MILR1: variants seen among roughly 807,000 people sequenced by gnomAD.
MILR1 encodes mast cell immunoglobulin like receptor 1.
MILR1 carries 31 observed loss-of-function variants against 18.5 expected under a neutral mutation model. The ratio of observed to expected loss-of-function variants is 1.68; its 90% CI spans 1.26 to 2.26. MILR1 has a LOEUF of 2.26. Among genes scored for constraint, MILR1 ranks in the 30% most tolerant of loss-of-function variants. The probability of loss-of-function intolerance (pLI) is 0.00; values close to 1 mark genes in which losing one functional copy is unlikely to be tolerated. For missense variants in MILR1, 257 were observed against 157.4 expected (o/e 1.63, Z -3.38); for synonymous variants, 85 against 56.2 (o/e 1.51, Z -2.30).
chr17:64,492,774 T>G, the MILR1 span: 2 of 1,606,048 alleles, frequency 1.2e-6, no homozygotes, highest in South Asian at 2.2e-5. Context: ...TCACCAATAC[T>G]TTAGATATAA....
chr17:64,454,451 G>A (rs1056184987), intron 3 of MILR1, among the ~76,000 whole-genome samples: 5 of 152,274 alleles, frequency 3.3e-5, no homozygotes, highest in East Asian at 3.9e-4. Context: ...TACATTTCAA[G>A]GCTTTGATAG....
rs1555663695 is a variant in MILR1 at position 64,467,593 on chromosome 17, T to C, written c.1008T>C (p.Tyr336=). 6.4e-7 allele frequency: 1 copy of C among 1,560,596 alleles called. No individual in the cohort carries two copies. Among genetic ancestry groups the C allele is most frequent in the Non-Finnish European group, 8.7e-7 (1 of 1,142,876 alleles). ...CCTGTGATTCTTATAAATCTGGATA[T>C]GTCTATTCTGAACTCAACTTCTGAA... is the stretch of plus-strand genomic sequence containing the variant. ...QEACDSYKSG[Y]VYSELNF is the part of the protein sequence containing the mutation. Residue 336 remains tyrosine (Y), a synonymous_variant, in exon 9 of 10, where the codon TAT becomes TAC. Coordinates refer to ENST00000619286, the MANE Select transcript of MILR1 (RefSeq NM_001085423.2).
chr17:64,465,246 TAA>T (rs1555662852), intron 5 of MILR1, among the ~76,000 whole-genome samples: 1 of 152,146 alleles, frequency 6.6e-6, no homozygotes. Context: ...GCCAGGAAAA[TAA>T]ATCAGAACAG....
chr17:64,478,644 T>C, the MILR1 span, among the ~76,000 whole-genome samples: 1 of 152,184 alleles, frequency 6.6e-6, no homozygotes, highest in Non-Finnish European at 1.5e-5. Flanking sequence ...ATGCCTGTAA[T>C]CCCAGCACTT....
the MILR1 span, among the ~76,000 whole-genome samples, chr17:64,493,878 C>T: frequency 6.6e-6 from 1 of 152,170 alleles, no homozygotes; most frequent in Admixed American, 6.5e-5. Context: ...CATCAATTAT[C>T]AACATTTTGC....
chr17:64,472,712 T>G (rs539836405), downstream of MILR1, among the ~76,000 whole-genome samples: 19 of 152,186 alleles, frequency 1.2e-4, no homozygotes, highest in African/African-American at 4.6e-4. Flanking sequence ...CTAGGAAGAA[T>G]AGACTATCCC....
At chr17:64,493,062 C>A in the MILR1 span, 1 of 1,609,092 alleles carries the variant, frequency 6.2e-7, no homozygotes, top group East Asian at 2.2e-5. Context: ...ATCTAGTCCA[C>A]AAACCCAAAT....
the MILR1 span, among the ~76,000 whole-genome samples, chr17:64,482,173 G>A: frequency 7.7e-5 from 10 of 129,202 alleles, no homozygotes; most frequent in Non-Finnish European, 1.1e-4. Context: ...CTGCGATCTC[G>A]GCTCACTGCA....
At chr17:64,455,812 G>A (rs1469250459) in intron 3 of MILR1, among the ~76,000 whole-genome samples, 3 of 151,874 alleles carry the variant, frequency 2.0e-5, no homozygotes, top group African/African-American at 4.8e-5. Context: ...GTTGAGTGGG[G>A]GCAGATCACT....
chr17:64,451,581 TA>T (rs1441034016), intron 2 of MILR1, among the ~76,000 whole-genome samples: 1,972 of 152,084 alleles, frequency 0.013, 13 homozygotes, highest in Non-Finnish European at 0.019. Flanking sequence ...CATTCCTAGA[TA>T]AAAAAAACTT....
the MILR1 span, among the ~76,000 whole-genome samples, chr17:64,477,589 C>T: frequency 6.6e-6 from 1 of 152,160 alleles, no homozygotes; most frequent in Non-Finnish European, 1.5e-5. Context: ...CGCTAGAGTT[C>T]TTGTATGTAA....
At chr17:64,456,946 G>T (rs1598093044) in intron 3 of MILR1, among the ~76,000 whole-genome samples, 1 of 152,150 alleles carries the variant, frequency 6.6e-6, no homozygotes, top group Admixed American at 6.6e-5. Flanking sequence ...GGAATTCAAG[G>T]TGGGAGGATC....
the MILR1 span, among the ~76,000 whole-genome samples, chr17:64,489,293 G>A: frequency 6.8e-6 from 1 of 146,430 alleles, no homozygotes; most frequent in Non-Finnish European, 1.5e-5. Context: ...AAATGGAGGA[G>A]AAGGAAAAGC....
At chr17:64,465,597 T>C in intron 6 of MILR1, 56 bp downstream of exon 6, 1 of 1,544,390 alleles carries the variant, frequency 6.5e-7, no homozygotes, top group Non-Finnish European at 8.8e-7. Context: ...CTTTTTATTT[T>C]GTTAAGGTTG....
At chr17:64,495,967 G>A in the MILR1 span, among the ~76,000 whole-genome samples, 1 of 152,106 alleles carries the variant, frequency 6.6e-6, no homozygotes, top group Non-Finnish European at 1.5e-5. Context: ...CCTCTGCCTT[G>A]CAAAATGCTG....
the MILR1 span, among the ~76,000 whole-genome samples, chr17:64,479,074 C>T: frequency 2.2e-4 from 34 of 152,012 alleles, no homozygotes; most frequent in African/African-American, 8.2e-4. Flanking sequence ...AATTGAGAAC[C>T]TGAGAGGACA....
At chr17:64,450,771 C>T (rs2037152247) in intron 2 of MILR1, among the ~76,000 whole-genome samples, 1 of 152,146 alleles carries the variant, frequency 6.6e-6, no homozygotes, top group East Asian at 1.9e-4. Context: ...CATGAGCTAC[C>T]ACACCAGCCT....
chr17:64,465,003 G>T (rs1011440239), intron 5 of MILR1, among the ~76,000 whole-genome samples: 1 of 152,112 alleles, frequency 6.6e-6, no homozygotes, highest in Non-Finnish European at 1.5e-5. Flanking sequence ...CAGGAAAATC[G>T]CTTGAAACCA....
chr17:64,478,196 T>C, the MILR1 span, among the ~76,000 whole-genome samples: 1 of 152,176 alleles, frequency 6.6e-6, no homozygotes, highest in Non-Finnish European at 1.5e-5. Context: ...TTGCTAGAGC[T>C]GAAAAGTCAT....
Sources: allele counts gnomAD v4.1 joint callset (sites outside exome capture counted in the v4.1 genomes callset), GRCh38; gene constraint gnomAD v4.1.1; transcripts MANE v1.5; gene names NCBI Gene and HGNC (gene_info 2026-07-23, HGNC 2026-07-21).